Variants in RPS6KA5 observed in about 807,000 individuals in gnomAD.
The protein encoded by RPS6KA5 is ribosomal protein S6 kinase alpha-5.
In RPS6KA5, 27 loss-of-function variants were observed where a neutral mutation model predicts 85.5. The ratio of observed to expected loss-of-function variants is 0.32; its 90% CI spans 0.23 to 0.44. RPS6KA5 has a LOEUF of 0.44. Among genes scored for constraint, RPS6KA5 ranks in the 20% least tolerant of loss-of-function variants. The pLI is 1.00. For missense variants in RPS6KA5, 811 were observed against 980.9 expected, an observed-to-expected ratio of 0.83 and a Z score of 2.31; for synonymous variants, 334 against 348.2, an observed-to-expected ratio of 0.96 and a Z score of 0.46.
At chr14:90,908,746 C>T (rs117490156) in intron 7 of RPS6KA5, among the ~76,000 whole-genome samples, 3 of 152,284 alleles carry the variant, frequency 2.0e-5, no homozygotes, top group Non-Finnish European at 4.4e-5. Context: ...AGATAACTGG[C>T]GTGGCAGGTG....
intron 2 of RPS6KA5, among the ~76,000 whole-genome samples, chr14:90,990,343 A>C (rs1466799646): frequency 6.6e-6 from 1 of 152,238 alleles, no homozygotes; most frequent in East Asian, 1.9e-4. Context: ...ATCTCACACC[A>C]GTCAGAAGGG....
At chr14:90,968,319 G>A (rs763164159) in intron 3 of RPS6KA5, among the ~76,000 whole-genome samples, 10 of 151,852 alleles carry the variant, frequency 6.6e-5, no homozygotes, top group Non-Finnish European at 1.2e-4. Context: ...TCTTCCTATT[G>A]TGTAAGGACC....
chr14:90,957,300 C>T (rs759506010), intron 3 of RPS6KA5, among the ~76,000 whole-genome samples: 8 of 152,158 alleles, frequency 5.3e-5, no homozygotes, highest in East Asian at 1.9e-4. Context: ...GCTGGCCTCT[C>T]GTGATCTGCC....
chr14:91,030,840 G>A (rs1178941730), intron 1 of RPS6KA5, among the ~76,000 whole-genome samples: 1 of 151,656 alleles, frequency 6.6e-6, no homozygotes, highest in Non-Finnish European at 1.5e-5. Context: ...AGATAATAAA[G>A]TTAAAGAAAG....
rs771729610 is a variant in RPS6KA5, at chr14:90,867,072, A to G, written c.*5002T>C. 4 of 152,244 alleles carry G rather than the reference A, an allele frequency of 2.6e-5. No individual in the cohort carries two copies. Among genetic ancestry groups the G allele is most frequent in the Non-Finnish European group, 5.9e-5 (4 of 68,038 alleles). 9.4% of individuals were successfully genotyped at this position (152,244 alleles called of 1,614,324 possible). On this transcript the variant is annotated 3_prime_UTR_variant, in exon 17 of 17. Coordinates refer to ENST00000614987, the MANE Select transcript of RPS6KA5 (RefSeq NM_004755.4). ...TGACCAGCCTCTTATGTAGTTAAAA[A>G]TAAAACTGCAGTTTTAAAATGTCAA... is the stretch of plus-strand genomic sequence containing the variant.
chr14:90,903,252 G>A (rs1441065090), intron 8 of RPS6KA5, among the ~76,000 whole-genome samples: 2 of 151,096 alleles, frequency 1.3e-5, no homozygotes, highest in Non-Finnish European at 3.0e-5. Flanking sequence ...GACAACAGAA[G>A]AATACTTTTG....
intron 3 of RPS6KA5, among the ~76,000 whole-genome samples, chr14:90,970,966 A>C (rs112671996): frequency 4.6e-4 from 70 of 152,062 alleles, no homozygotes; most frequent in African/African-American, 1.7e-3. Context: ...AGCAGGGGTC[A>C]ACAAATTACA....
At chr14:90,988,639 G>A (rs766457823) in intron 2 of RPS6KA5, among the ~76,000 whole-genome samples, 6 of 151,898 alleles carry the variant, frequency 4.0e-5, no homozygotes, top group Admixed American at 2.0e-4. Flanking sequence ...TTGGTGAAAC[G>A]CCGTCTCTAC....
At chr14:90,938,417 A>G (rs965915799) in intron 5 of RPS6KA5, among the ~76,000 whole-genome samples, 1 of 152,178 alleles carries the variant, frequency 6.6e-6, no homozygotes, top group African/African-American at 2.4e-5. Flanking sequence ...GGTTTAAAGG[A>G]CAGTGGCCCT....
At chr14:90,935,924 A>G (rs2037230641) in intron 5 of RPS6KA5, among the ~76,000 whole-genome samples, 1 of 152,204 alleles carries the variant, frequency 6.6e-6, no homozygotes, top group Admixed American at 6.5e-5. Context: ...ATGAACAGAC[A>G]CAATTTTGAA....
At position 91,002,397 on chromosome 14, in the gene RPS6KA5, C is replaced by T. The variant is rs940294693; in HGVS notation, c.104-1238G>A. Among the ~76,000 whole-genome samples the T allele has an allele frequency of 4.0e-5, 6 of 151,674 alleles. No homozygotes were observed. In the East Asian group the frequency reaches 1.2e-3, roughly 29 times the overall value. ...AAATTCTCTGTATATTAGAAAATGG[C>T]CATTATAAAATGACAGAAAACAAAA... On this transcript the variant is annotated intron_variant, in intron 1 of 16. Transcript: ENST00000614987.
chr14:90,953,105 G>C (rs755146547), intron 3 of RPS6KA5, among the ~76,000 whole-genome samples: 1 of 152,210 alleles, frequency 6.6e-6, no homozygotes, highest in African/African-American at 2.4e-5. Context: ...GAGAGATGTT[G>C]CGAGAAATCA....
intron 3 of RPS6KA5, among the ~76,000 whole-genome samples, chr14:90,971,437 T>C (rs1394711372): frequency 2.0e-5 from 3 of 152,166 alleles, no homozygotes. Context: ...CTGGTCAAAG[T>C]CCTGATGCCT....
chr14:91,034,956 G>A (rs1379123480), intron 1 of RPS6KA5, among the ~76,000 whole-genome samples: 1 of 151,974 alleles, frequency 6.6e-6, no homozygotes. Flanking sequence ...GTTTAGAGGT[G>A]TTCACAATTT....
chr14:90,902,724 C>T (rs2035243540), intron 9 of RPS6KA5, 84 bp downstream of exon 9: 3 of 1,305,388 alleles, frequency 2.3e-6, no homozygotes, highest in Non-Finnish European at 2.1e-6. Context: ...ATGATGCCAA[C>T]AAAACTACTT....
chr14:90,955,577 ATTTCT>A (rs1022205299), intron 3 of RPS6KA5, among the ~76,000 whole-genome samples: 6 of 151,940 alleles, frequency 3.9e-5, no homozygotes, highest in African/African-American at 1.5e-4. Flanking sequence ...TTTGTTATTG[ATTTCT>A]TTTCTCATTC....
chr14:90,973,660 T>TA (rs112164426), intron 3 of RPS6KA5, among the ~76,000 whole-genome samples: 4,743 of 151,704 alleles, frequency 0.031, 265 homozygotes, highest in African/African-American at 0.11. Context: ...TGTGCAGGAA[T>TA]AAAAAAAAGA....
At chr14:90,996,205 G>GTT (rs570686742) in intron 2 of RPS6KA5, among the ~76,000 whole-genome samples, 1 of 138,400 alleles carries the variant, frequency 7.2e-6, no homozygotes, top group Admixed American at 7.2e-5. Context: ...TTTTTTTTTT[G>GTT]TTTTTTTTTT....
chr14:90,875,803 C>CA (rs1192028948), intron 14 of RPS6KA5, among the ~76,000 whole-genome samples: 2 of 145,680 alleles, frequency 1.4e-5, no homozygotes, highest in Non-Finnish European at 3.0e-5. Flanking sequence ...ATCGCAAGGA[C>CA]AAAAAACCAA....
Sources: allele counts gnomAD v4.1 joint callset (sites outside exome capture counted in the v4.1 genomes callset), GRCh38; gene constraint gnomAD v4.1.1; transcripts MANE v1.5; gene names NCBI Gene and HGNC (gene_info 2026-07-23, HGNC 2026-07-21).